The following TENM4 variants were observed in gnomAD, a reference collection of about 807,000 sequenced individuals.
TENM4 encodes the protein teneurin-4.
A neutral mutation model predicts 243.3 loss-of-function variants in TENM4; 82 were observed. The observed-to-expected ratio is 0.34, with a 90% CI of 0.28 to 0.40. The LOEUF (loss-of-function observed/expected upper bound fraction) is 0.40, where lower values mean the gene tolerates loss of function less well. Ranked by LOEUF, TENM4 falls within the 10% of genes least tolerant of loss-of-function variation. TENM4 has a pLI of 1.00. For synonymous variants in TENM4, 1,412 were observed against 1,456.3 expected, an observed-to-expected ratio of 0.97 and a Z score of 0.69; for missense variants, 3,138 against 3,673.3, an observed-to-expected ratio of 0.85 and a Z score of 3.77.
chr11:78,907,722 A>G (rs989164074), intron 6 of TENM4, among the ~76,000 whole-genome samples: 4 of 152,312 alleles, frequency 2.6e-5, no homozygotes, highest in African/African-American at 9.6e-5. Flanking sequence ...TATTTACAGA[A>G]TGTCGGGGAA....
At chr11:79,113,578 G>A (rs928584184) in intron 4 of TENM4, among the ~76,000 whole-genome samples, 4 of 150,450 alleles carry the variant, frequency 2.7e-5, no homozygotes, top group South Asian at 2.1e-4. Context: ...GCTTGCAAGC[G>A]GAAACATGAA....
chr11:78,896,376 C>G (rs1454420694), intron 7 of TENM4, among the ~76,000 whole-genome samples: 1 of 152,098 alleles, frequency 6.6e-6, no homozygotes, highest in African/African-American at 2.4e-5. Flanking sequence ...AAAAATGAAC[C>G]AGGCACCAGG....
chr11:78,910,048 T>G (rs1412444414), intron 6 of TENM4, among the ~76,000 whole-genome samples: 1 of 152,140 alleles, frequency 6.6e-6, no homozygotes, highest in East Asian at 1.9e-4. Flanking sequence ...CCACTATTCT[T>G]TTATAAGATC....
intron 6 of TENM4, among the ~76,000 whole-genome samples, chr11:78,946,064 T>C (rs1856996896): frequency 6.6e-6 from 1 of 152,240 alleles, no homozygotes; most frequent in Admixed American, 6.5e-5. Context: ...TGAAGGTGGC[T>C]ACACTAAACA....
At chr11:79,043,155 G>A (rs1859579283) in intron 6 of TENM4, among the ~76,000 whole-genome samples, 1 of 152,178 alleles carries the variant, frequency 6.6e-6, no homozygotes. Flanking sequence ...CCAACACATT[G>A]TTGGATTCCC....
chr11:79,019,193 C>G (rs998095789), intron 6 of TENM4, among the ~76,000 whole-genome samples: 3 of 152,338 alleles, frequency 2.0e-5, no homozygotes, highest in Non-Finnish European at 4.4e-5. Flanking sequence ...CAGTTAATTC[C>G]TCCAGGGCCT....
chr11:78,761,680 G>C (rs1035064405), intron 18 of TENM4, among the ~76,000 whole-genome samples: 1 of 110,368 alleles, frequency 9.1e-6, no homozygotes, highest in Non-Finnish European at 1.9e-5. Flanking sequence ...TTGAGGTATA[G>C]GCTTGGTCTC....
Position 78,691,552 on chromosome 11 carries a change from T to G in TENM4, c.5088-3326A>C, listed in dbSNP as rs572306380. ...CTTACTAAATAACACTTTGGCAATC[T>G]CCCTAGGTATCTCACTAGAGTTTTA... On this transcript the variant is annotated intron_variant, in intron 28 of 33. Coordinates refer to ENST00000278550, the MANE Select transcript of TENM4 (RefSeq NM_001098816.3). Among the ~76,000 whole-genome samples the G allele has an allele frequency of 1.1e-4, 17 of 152,324 alleles. No homozygotes were observed. The South Asian group carries it at 2.9e-3, about 26-fold the overall frequency.
At chr11:78,807,992 A>G (rs1857426313) in intron 14 of TENM4, among the ~76,000 whole-genome samples, 1 of 152,334 alleles carries the variant, frequency 6.6e-6, no homozygotes, top group South Asian at 2.1e-4. Context: ...TGTTGCAAAG[A>G]GGTTATCTTC....
rs1484440028 is a variant in TENM4, at chr11:79,089,417, C to T, written c.-65-19408G>A. Among the ~76,000 whole-genome samples, 3 of 151,966 alleles carry T rather than the reference C, an allele frequency of 2.0e-5. No homozygotes were observed. The East Asian group carries it at 5.8e-4, about 29-fold the overall frequency. On this transcript the variant is annotated intron_variant, in intron 4 of 33. Transcript: ENST00000278550. ...GTGCTAAACAGGAAACAGGAAGGGC[C>T]CAGAGAATGATTTTTAGCATAATCT...
intron 6 of TENM4, among the ~76,000 whole-genome samples, chr11:79,033,462 G>C (rs529628568): frequency 6.6e-6 from 1 of 152,202 alleles, no homozygotes; most frequent in South Asian, 2.1e-4. Context: ...CACAGGGTTA[G>C]TCCTCCCAAC....
At chr11:79,193,461 G>A (rs905749933) in intron 3 of TENM4, among the ~76,000 whole-genome samples, 5 of 152,156 alleles carry the variant, frequency 3.3e-5, no homozygotes, top group Non-Finnish European at 5.9e-5. Flanking sequence ...GCACTGTCTG[G>A]TGCATTGGAC....
At chr11:78,978,499 A>G (rs1857717906) in intron 6 of TENM4, among the ~76,000 whole-genome samples, 1 of 152,186 alleles carries the variant, frequency 6.6e-6, no homozygotes, top group Non-Finnish European at 1.5e-5. Flanking sequence ...CAGACAGACT[A>G]AAGTTAGTTG....
At position 79,069,723 on chromosome 11, in the gene TENM4, T is replaced by C; in HGVS notation, c.222A>G (p.Thr74=). 2 of 1,550,176 alleles carry C rather than the reference T, an allele frequency of 1.3e-6. No individual in the cohort carries two copies. The highest frequency in any genetic ancestry group is 1.2e-5 in the South Asian group (1 of 84,044). ...CCGCCCCCTCGGCCTTGTCCTTACC[T>C]GTGCGGCAGAATTCCTCGGCCTCCT... ...VPQEAEEFCR[T]GANFTLRELG... Residue 74 remains threonine (T), a splice_region_variant and synonymous_variant, in exon 5 of 34, where the codon ACA becomes ACG. Coordinates refer to ENST00000278550, the MANE Select transcript of TENM4 (RefSeq NM_001098816.3).
At chr11:79,369,868 A>C (rs138285051) in intron 1 of TENM4, among the ~76,000 whole-genome samples, 78 of 152,258 alleles carry the variant, frequency 5.1e-4, no homozygotes, top group African/African-American at 1.7e-3. Context: ...TTATTTGTGA[A>C]ATTATTTAAT....
At chr11:79,005,353 A>G (rs775644155) in intron 6 of TENM4, among the ~76,000 whole-genome samples, 7 of 152,228 alleles carry the variant, frequency 4.6e-5, no homozygotes, top group African/African-American at 1.2e-4. Context: ...AAAAATCCTC[A>G]ACAACGTATT....
At position 79,416,813 on chromosome 11, in the gene TENM4, T is replaced by A. The variant is rs556373315; in HGVS notation, c.-321+23696A>T. Reference sequence around the variant, plus strand: ...GTATGCCTGCTACTAACACTGCTTTTGCGCAAAGCTTGCGTCTTCTATCTC... The same window carrying A: ...GTATGCCTGCTACTAACACTGCTTTAGCGCAAAGCTTGCGTCTTCTATCTC... On this transcript the variant is annotated intron_variant, in intron 1 of 33. Transcript: ENST00000278550. Among the ~76,000 whole-genome samples the A allele has an allele frequency of 4.7e-4, 72 of 152,184 alleles. 1 individual carries two copies. Among genetic ancestry groups the A allele is most frequent in the Non-Finnish European group, 5.7e-4 (39 of 68,012 alleles).
chr11:78,722,882 C>G lies in TENM4; in HGVS notation c.3586G>C (p.Val1196Leu), dbSNP rs200612048. 3.7e-6 allele frequency: 6 copies of G among 1,614,048 alleles called. No individual in the cohort carries two copies. The Admixed American group carries it at 1.0e-4, about 27-fold the overall frequency. Reference protein sequence around the residue: ...LHKGNGENQFVSQQPPVIGSI... With the variant: ...LHKGNGENQFLSQQPPVIGSI... ...CCAATGACAGGAGGCTGCTGAGACA[C>G]AAACTGGTTCTCCCCATTCCCTTTG... is the stretch of plus-strand genomic sequence containing the variant. The change falls in exon 24 of 34, where the codon GTG (valine) becomes CTG (leucine). Residue 1196 changes from valine (V) to leucine (L), a missense_variant. By Grantham distance (32) the Val-to-Leu change is conservative. Transcript: ENST00000278550.
At chr11:78,691,699 C>G (rs1858829888) in intron 28 of TENM4, among the ~76,000 whole-genome samples, 1 of 152,190 alleles carries the variant, frequency 6.6e-6, no homozygotes, top group Non-Finnish European at 1.5e-5. Flanking sequence ...CCCATACCTT[C>G]AAGATCTGGT....
Sources: gnomAD v4.1 joint callset for allele counts (sites outside exome capture counted in the v4.1 genomes callset) on GRCh38, gnomAD v4.1.1 for gene constraint, MANE v1.5 for transcripts, NCBI Gene and HGNC (gene_info 2026-07-23, HGNC 2026-07-21) for gene names.